Variants in METTL15 observed in about 807,000 individuals in gnomAD.
METTL15 encodes the protein 12S rRNA N(4)-cytidine methyltransferase METTL15.
A neutral mutation model predicts 38.3 loss-of-function variants in METTL15; 34 were observed. The observed-to-expected ratio is 0.89, with a 90% CI of 0.68 to 1.18. METTL15 has a LOEUF of 1.18. METTL15 is among the 50% of genes most tolerant of loss of function. The pLI, the probability that METTL15 is intolerant of heterozygous loss-of-function variation, is 0.00. For synonymous variants in METTL15, 162 were observed against 170.9 expected, an observed-to-expected ratio of 0.95 and a Z score of 0.41; for missense variants, 438 against 498.4, an observed-to-expected ratio of 0.88 and a Z score of 1.15.
At chr11:28,350,912 G>A (rs1366330374) in intron 3 of METTL15, among the ~76,000 whole-genome samples, 1 of 152,034 alleles carries the variant, frequency 6.6e-6, no homozygotes, top group Non-Finnish European at 1.5e-5. Context: ...TTTATGCTAG[G>A]TCACTGGTTA....
At chr11:28,378,522 G>A (rs560887133) in intron 5 of METTL15, among the ~76,000 whole-genome samples, 22 of 152,250 alleles carry the variant, frequency 1.4e-4, no homozygotes, top group Middle Eastern at 3.4e-3. Context: ...GCTCGTGCAC[G>A]GTGCGTGCAC....
At chr11:28,198,240 C>T (rs748827600) in intron 3 of METTL15, among the ~76,000 whole-genome samples, 24 of 151,972 alleles carry the variant, frequency 1.6e-4, no homozygotes, top group Non-Finnish European at 2.9e-4. Flanking sequence ...TTAATTTAGC[C>T]GTTCTATCTG....
downstream of METTL15, among the ~76,000 whole-genome samples, chr11:28,528,866 G>A (rs1399494325): frequency 1.3e-5 from 2 of 152,240 alleles, no homozygotes; most frequent in African/African-American, 4.8e-5. Flanking sequence ...CAGAAATATT[G>A]TAATGCATCT....
intron 6 of METTL15, among the ~76,000 whole-genome samples, chr11:28,299,674 G>A (rs573692483): frequency 3.9e-4 from 60 of 152,220 alleles, no homozygotes; most frequent in African/African-American, 1.4e-3. Flanking sequence ...GAAAATATGA[G>A]ACACAATTGG....
intron 5 of METTL15, among the ~76,000 whole-genome samples, chr11:28,402,399 T>C (rs1850638040): frequency 6.6e-6 from 1 of 151,954 alleles, no homozygotes; most frequent in South Asian, 2.1e-4. Flanking sequence ...CCCTACCCAA[T>C]TTATAGTCTC....
chr11:28,220,937 G>C (rs1029998987), intron 4 of METTL15, among the ~76,000 whole-genome samples: 1 of 152,176 alleles, frequency 6.6e-6, no homozygotes, highest in Non-Finnish European at 1.5e-5. Flanking sequence ...TCAACTGTTA[G>C]TCTGATGGGC....
chr11:28,303,074 C>A (rs1487280829), intron 6 of METTL15, among the ~76,000 whole-genome samples: 1 of 152,086 alleles, frequency 6.6e-6, no homozygotes, highest in Non-Finnish European at 1.5e-5. Flanking sequence ...ATAAAGAAAT[C>A]TGGGTATTTT....
chr11:28,330,277 A>G, intron 6 of METTL15, 119 bp from the exon 7 acceptor site: 6 of 930,440 alleles, frequency 6.4e-6, no homozygotes, highest in Non-Finnish European at 9.4e-6. Context: ...TGCCACCACA[A>G]TTTTCTAAGA....
chr11:28,358,092 A>T (rs957939788), intron 4 of METTL15, among the ~76,000 whole-genome samples: 1 of 152,144 alleles, frequency 6.6e-6, no homozygotes, highest in Non-Finnish European at 1.5e-5. Context: ...CATTGAAAGC[A>T]TGAGAAGTAT....
intron 6 of METTL15, among the ~76,000 whole-genome samples, chr11:28,501,103 T>C (rs1427783199): frequency 6.6e-6 from 1 of 152,282 alleles, no homozygotes; most frequent in East Asian, 1.9e-4. Context: ...GGCTTGATTG[T>C]GTAGTTTCAG....
At chr11:28,126,492 T>C (rs922741064) in intron 3 of METTL15, among the ~76,000 whole-genome samples, 1 of 151,976 alleles carries the variant, frequency 6.6e-6, no homozygotes, top group Non-Finnish European at 1.5e-5. Context: ...TAAATATTTG[T>C]TGAAATAATT....
At chr11:28,292,517 A>G (rs1465832177) in intron 5 of METTL15, among the ~76,000 whole-genome samples, 1 of 152,156 alleles carries the variant, frequency 6.6e-6, no homozygotes, top group Admixed American at 6.5e-5. Flanking sequence ...CTCAATAAAC[A>G]TACGTGTGCG....
chr11:28,277,560 C>T (rs941624735), intron 4 of METTL15, among the ~76,000 whole-genome samples: 6 of 151,694 alleles, frequency 4.0e-5, no homozygotes, highest in African/African-American at 1.5e-4. Context: ...TAGCAGGGCA[C>T]GGTAGCACAC....
intron 6 of METTL15, among the ~76,000 whole-genome samples, chr11:28,316,276 C>A (rs531334034): frequency 4.6e-4 from 70 of 152,164 alleles, no homozygotes; most frequent in Non-Finnish European, 3.2e-4. Flanking sequence ...GGATGTGAGA[C>A]GTGGATTCAA....
At chr11:28,506,389 T>A (rs558857844) in intron 6 of METTL15, among the ~76,000 whole-genome samples, 16 of 152,342 alleles carry the variant, frequency 1.1e-4, no homozygotes, top group African/African-American at 3.6e-4. Context: ...GTTGCTGAAA[T>A]CTTCATTTTA....
At chr11:28,180,001 A>C (rs1851225139) in intron 3 of METTL15, among the ~76,000 whole-genome samples, 1 of 151,800 alleles carries the variant, frequency 6.6e-6, no homozygotes, top group South Asian at 2.1e-4. Context: ...TGATGATATT[A>C]AGTACCCCTG....
intron 6 of METTL15, among the ~76,000 whole-genome samples, chr11:28,464,814 A>G (rs759141361): frequency 6.6e-6 from 1 of 152,154 alleles, no homozygotes; most frequent in Admixed American, 6.5e-5. Flanking sequence ...TCTAAACTCC[A>G]ATCTACTTGG....
intron 6 of METTL15, among the ~76,000 whole-genome samples, chr11:28,478,883 T>A (rs961074454): frequency 6.6e-6 from 1 of 151,244 alleles, no homozygotes; most frequent in African/African-American, 2.4e-5. Context: ...AAGCTTAAAT[T>A]CCATTATCTC....
rs143198600 is a variant in METTL15 at position 28,192,809 on chromosome 11, G to T, written c.271-18253G>T. Among the ~76,000 whole-genome samples, 24 of 152,074 alleles carry T rather than the reference G, an allele frequency of 1.6e-4. No individual in the cohort carries two copies. The East Asian group carries it at 4.6e-3, about 29-fold the overall frequency. On this transcript the variant is annotated intron_variant, in intron 3 of 6. Transcript: ENST00000407364. ...GCCTTTGATAACGAAGAATTATCTG[G>T]CCCCAAATGTCAGTAGTGCCAAGAT... is the stretch of plus-strand genomic sequence containing the variant.
Sources: gnomAD v4.1 joint callset for allele counts (sites outside exome capture counted in the v4.1 genomes callset) on GRCh38, gnomAD v4.1.1 for gene constraint, MANE v1.5 for transcripts, NCBI Gene and HGNC (gene_info 2026-07-23, HGNC 2026-07-21) for gene names.